The following DUSP16 variants were observed in gnomAD, a reference collection of about 807,000 sequenced individuals.
The protein encoded by DUSP16 is dual specificity protein phosphatase 16.
DUSP16 carries 21 observed loss-of-function variants against 58.3 expected under a neutral mutation model. That is an observed-to-expected ratio of 0.36 (90% CI 0.26 to 0.52). The LOEUF is 0.52. DUSP16 is among the 20% of genes least tolerant of loss of function. The pLI, the probability that DUSP16 is intolerant of heterozygous loss-of-function variation, is 0.94. For synonymous variants in DUSP16, 320 were observed against 323.8 expected (o/e 0.99, Z 0.12); for missense variants, 726 against 819.0 (o/e 0.89, Z 1.39).
intron 3 of DUSP16, among the ~76,000 whole-genome samples, chr12:12,515,617 C>G (rs568004413): frequency 1.3e-5 from 2 of 151,646 alleles, no homozygotes; most frequent in Non-Finnish European, 2.9e-5. Flanking sequence ...TGTGAGCCAC[C>G]GCACCTGGCC....
At chr12:12,514,211 T>G (rs1328790892) in intron 3 of DUSP16, among the ~76,000 whole-genome samples, 1 of 152,186 alleles carries the variant, frequency 6.6e-6, no homozygotes, top group Non-Finnish European at 1.5e-5. Flanking sequence ...TTATCCAAAG[T>G]TGCCATAAGG....
In DUSP16 at chr12:12,491,081, TGTC is replaced by T. The variant is rs201381104; in HGVS notation, c.532-3897_532-3895del. On this transcript the variant is annotated intron_variant, in intron 4 of 6. Coordinates refer to ENST00000298573, the MANE Select transcript of DUSP16 (RefSeq NM_030640.3). ...ACCTTCCAAAGATGTGGGGAAAAGATGTCGTGAAATCTCTGGAGTCAGTTAAGA... is the reference window on the plus strand; with the variant it reads ...ACCTTCCAAAGATGTGGGGAAAAGATGTGAAATCTCTGGAGTCAGTTAAGA... 8.5e-3 allele frequency among the ~76,000 whole-genome samples: 1,296 copies of T among 152,274 alleles called. 20 individuals are homozygous for T. Among genetic ancestry groups the T allele is most frequent in the African/African-American group, 0.029 (1,211 of 41,558 alleles).
At chr12:12,541,772 G>A (rs1467033605) in intron 1 of DUSP16, among the ~76,000 whole-genome samples, 1 of 152,068 alleles carries the variant, frequency 6.6e-6, no homozygotes, top group Admixed American at 6.6e-5. Context: ...AAATACAAGA[G>A]CACTGAAAAT....
At chr12:12,525,758 ACAC>A (rs920193837) in intron 1 of DUSP16, among the ~76,000 whole-genome samples, 7 of 150,894 alleles carry the variant, frequency 4.6e-5, no homozygotes, top group Admixed American at 1.3e-4. Context: ...ACACACACAC[ACAC>A]AATTTTCCCC....
At position 12,477,939 on chromosome 12, in the gene DUSP16, T is replaced by C; in HGVS notation, c.892A>G (p.Ile298Val). ...LGQLLDYEKK[I>V]KNQTGASGPK... ...CCTGATGCTCCAGTCTGGTTCTTAA[T>C]CTTCTTCTCATAGTCCAGGAGTTGG... Residue 298 changes from isoleucine (I) to valine (V), a missense_variant, in exon 7 of 7, where the codon ATT becomes GTT. Transcript: ENST00000298573. The surrounding 1 kb of genome is among the most constrained non-coding windows in gnomAD (Gnocchi z 4.1). 1 of 1,614,196 alleles carries C rather than the reference T, an allele frequency of 6.2e-7. No individual in the cohort carries two copies. The highest frequency in any genetic ancestry group is 8.5e-7 in the Non-Finnish European group (1 of 1,180,026).
intron 1 of DUSP16, among the ~76,000 whole-genome samples, chr12:12,549,764 G>A (rs1465613118): frequency 6.3e-5 from 8 of 127,830 alleles, no homozygotes; most frequent in African/African-American, 2.4e-4. Context: ...TGTGGCCACA[G>A]TGCTTTTTTA....
At chr12:12,484,790 T>A (rs1943647406) in intron 5 of DUSP16, among the ~76,000 whole-genome samples, 3 of 151,556 alleles carry the variant, frequency 2.0e-5, no homozygotes, top group African/African-American at 7.3e-5. Flanking sequence ...CCCGACTAAT[T>A]TTTATATTTT....
chr12:12,480,741 T>C (rs1943549068), intron 5 of DUSP16, among the ~76,000 whole-genome samples: 1 of 152,176 alleles, frequency 6.6e-6, no homozygotes, highest in South Asian at 2.1e-4. Context: ...TATTACTATT[T>C]TGAGATAGAG....
At chr12:12,499,499 CA>C (rs1943879889) in intron 4 of DUSP16, among the ~76,000 whole-genome samples, 4 of 152,114 alleles carry the variant, frequency 2.6e-5, no homozygotes, top group Admixed American at 2.6e-4. Flanking sequence ...CACACACTCA[CA>C]AAAGAATGCC....
At chr12:12,478,685 C>A (rs1280707675) in intron 6 of DUSP16, among the ~76,000 whole-genome samples, 1 of 152,158 alleles carries the variant, frequency 6.6e-6, no homozygotes, top group Non-Finnish European at 1.5e-5. Flanking sequence ...CACACACACA[C>A]CAGTGCTACC....
In DUSP16 at chr12:12,521,256, G is replaced by A; in HGVS notation, c.-158C>T. ...GGAGAGTTAAACCCATTTTCAGCAA[G>A]AGCCCTCCAAGTGAATGTCTCTTTC... is the stretch of plus-strand genomic sequence containing the variant. On this transcript the variant is annotated 5_prime_UTR_variant, in exon 2 of 7. Transcript: ENST00000298573. The A allele has an allele frequency of 6.9e-7, 1 of 1,448,892 alleles. No homozygotes were observed. The highest frequency in any genetic ancestry group is 9.0e-7 in the Non-Finnish European group (1 of 1,105,056). The allele number at this position is 1,448,892 out of a possible 1,614,324, so 89.8% of individuals were successfully genotyped here. A position where few individuals can be genotyped will look rare whatever the true frequency, so the allele number is the denominator to read the frequency against.
chr12:12,530,352 T>C (rs538848307), intron 1 of DUSP16, among the ~76,000 whole-genome samples: 1 of 152,342 alleles, frequency 6.6e-6, no homozygotes, highest in South Asian at 2.1e-4. Context: ...TCAACCAAGT[T>C]ACTTGCTTTC....
chr12:12,509,625 G>A (rs1393432229), intron 3 of DUSP16, among the ~76,000 whole-genome samples: 2 of 152,150 alleles, frequency 1.3e-5, no homozygotes, highest in Non-Finnish European at 1.5e-5. Flanking sequence ...GTTGTGACCC[G>A]TCTTACTTCT....
intron 4 of DUSP16, among the ~76,000 whole-genome samples, chr12:12,492,548 T>C (rs1312445888): frequency 6.6e-6 from 1 of 152,126 alleles, no homozygotes; most frequent in Non-Finnish European, 1.5e-5. Context: ...CTGTACAGGA[T>C]CATTCTTCCT....
Position 12,487,192 on chromosome 12 carries a change from G to A in DUSP16, c.532-5C>T, listed in dbSNP as rs1343340461. The A allele has an allele frequency of 6.2e-7, 1 of 1,613,108 alleles. No homozygotes were observed. Among genetic ancestry groups the A allele is most frequent in the South Asian group, 1.1e-5 (1 of 91,012 alleles). On this transcript the variant is annotated splice_polypyrimidine_tract_variant and splice_region_variant and intron_variant, in intron 4 of 6. Transcript: ENST00000298573. ...CCCATTCTGCTGCATCAGCTCCTATGGAGAGAAAGAGTAGCAGTTAAAGTG... is the reference window on the plus strand; with the variant it reads ...CCCATTCTGCTGCATCAGCTCCTATAGAGAGAAAGAGTAGCAGTTAAAGTG...
intron 3 of DUSP16, among the ~76,000 whole-genome samples, chr12:12,512,121 A>G (rs986257653): frequency 6.6e-6 from 1 of 152,214 alleles, no homozygotes; most frequent in Non-Finnish European, 1.5e-5. Context: ...AAGATGATCC[A>G]ATTTAGACGA....
At chr12:12,511,856 G>A (rs1944083686) in intron 3 of DUSP16, among the ~76,000 whole-genome samples, 1 of 151,912 alleles carries the variant, frequency 6.6e-6, no homozygotes, top group Non-Finnish European at 1.5e-5. Flanking sequence ...AGAATATGCT[G>A]GACCTGGTGT....
intron 1 of DUSP16, among the ~76,000 whole-genome samples, chr12:12,529,329 C>G (rs1023395708): frequency 2.6e-5 from 4 of 152,130 alleles, no homozygotes; most frequent in Non-Finnish European, 4.4e-5. Context: ...AGTCTGGTCT[C>G]AAACTCCTGG....
chr12:12,514,935 A>C (rs1425353447), intron 3 of DUSP16, among the ~76,000 whole-genome samples: 2 of 152,190 alleles, frequency 1.3e-5, no homozygotes, highest in African/African-American at 4.8e-5. Flanking sequence ...TTGGGAATAC[A>C]GGCATAAGCC....
Sources: allele counts gnomAD v4.1 joint callset (sites outside exome capture counted in the v4.1 genomes callset), GRCh38; gene constraint gnomAD v4.1.1; non-coding constraint Gnocchi (gnomAD v3.1); transcripts MANE v1.5; gene names NCBI Gene and HGNC (gene_info 2026-07-23, HGNC 2026-07-21).